CREB5: variants seen among roughly 807,000 people sequenced by gnomAD.
CREB5 encodes the protein cAMP responsive element binding protein 5, also known as cyclic AMP-responsive element-binding protein 5.
In CREB5, 19 loss-of-function variants were observed where a neutral mutation model predicts 57.1. That is an observed-to-expected ratio of 0.33 (90% confidence interval 0.23 to 0.49). The LOEUF is 0.49. Ranked by LOEUF, CREB5 falls within the 20% of genes least tolerant of loss-of-function variation. CREB5 has a pLI of 0.99. For synonymous variants in CREB5, 238 were observed against 238.3 expected (o/e 1.00, Z 0.01); for missense variants, 579 against 671.6 (o/e 0.86, Z 1.52).
intron 1 of CREB5, among the ~76,000 whole-genome samples, chr7:28,463,449 C>T (rs1243669002): frequency 1.3e-5 from 2 of 152,134 alleles, no homozygotes; most frequent in East Asian, 3.8e-4. Context: ...GATCAGTTTG[C>T]CAATTTCTGC....
intron 1 of CREB5, among the ~76,000 whole-genome samples, chr7:28,366,530 A>G (rs1786590569): frequency 6.6e-6 from 1 of 152,216 alleles, no homozygotes; most frequent in Non-Finnish European, 1.5e-5. Context: ...AATACTGTTT[A>G]TATACATAAG....
chr7:28,689,076 T>C (rs1801103983), intron 5 of CREB5, among the ~76,000 whole-genome samples: 2 of 152,208 alleles, frequency 1.3e-5, no homozygotes, highest in Admixed American at 6.5e-5. Flanking sequence ...TTAATTCCAC[T>C]GTTTGACGAC....
chr7:28,661,017 C>T (rs547633203), intron 5 of CREB5, among the ~76,000 whole-genome samples: 11 of 151,054 alleles, frequency 7.3e-5, no homozygotes, highest in South Asian at 2.1e-4. Context: ...ACTCATTCAC[C>T]GAGCACTTTT....
At chr7:28,325,451 T>A (rs1423629287) in intron 1 of CREB5, among the ~76,000 whole-genome samples, 4 of 115,652 alleles carry the variant, frequency 3.5e-5, no homozygotes, top group African/African-American at 1.4e-4. Flanking sequence ...CAAGACTCCA[T>A]CTCAAAAAAA....
At chr7:28,723,196 C>A (rs1685915421) in intron 6 of CREB5, among the ~76,000 whole-genome samples, 1 of 150,030 alleles carries the variant, frequency 6.7e-6, no homozygotes, top group African/African-American at 2.5e-5. Context: ...CTATTCTTGT[C>A]CCCCTGAGGA....
chr7:28,642,862 G>A (rs541618777), intron 5 of CREB5, among the ~76,000 whole-genome samples: 6 of 151,854 alleles, frequency 4.0e-5, no homozygotes, highest in Non-Finnish European at 5.9e-5. Context: ...TTTTCAAGAC[G>A]GATGAACACA....
intron 7 of CREB5, among the ~76,000 whole-genome samples, chr7:28,791,774 A>G (rs951853658): frequency 6.6e-6 from 1 of 152,238 alleles, no homozygotes; most frequent in African/African-American, 2.4e-5. Context: ...GCCATTTTCA[A>G]TTAATAAATC....
chr7:28,578,577 G>A (rs764913187), intron 5 of CREB5, among the ~76,000 whole-genome samples: 3 of 152,186 alleles, frequency 2.0e-5, no homozygotes, highest in African/African-American at 7.2e-5. Flanking sequence ...GGGCATTTCA[G>A]ATATTTGGAG....
chr7:28,736,112 A>G (rs1414339382), intron 7 of CREB5, among the ~76,000 whole-genome samples: 4 of 151,958 alleles, frequency 2.6e-5, no homozygotes, highest in Non-Finnish European at 5.9e-5. Flanking sequence ...TGTGCTTGCT[A>G]TGTGGTAAGG....
intron 4 of CREB5, among the ~76,000 whole-genome samples, chr7:28,522,108 A>G (rs2128616548): frequency 6.6e-6 from 1 of 152,244 alleles, no homozygotes; most frequent in East Asian, 1.9e-4. Context: ...TTTTGCCCCC[A>G]TTTTACACAA....
chr7:28,659,334 G>C (rs1799497731), intron 5 of CREB5, among the ~76,000 whole-genome samples: 1 of 152,026 alleles, frequency 6.6e-6, no homozygotes, highest in Admixed American at 6.6e-5. Context: ...TGCAAGAGAA[G>C]GGCAAACTGA....
intron 5 of CREB5, among the ~76,000 whole-genome samples, chr7:28,716,850 G>A (rs1379949274): frequency 6.6e-6 from 1 of 152,128 alleles, no homozygotes; most frequent in Admixed American, 6.6e-5. Context: ...ATCTGTAAAA[G>A]CCAAAGGACC....
chr7:28,383,166 A>G (rs957635962), intron 1 of CREB5, among the ~76,000 whole-genome samples: 15 of 152,066 alleles, frequency 9.9e-5, no homozygotes, highest in Non-Finnish European at 1.6e-4. Context: ...GCTGCAAGGG[A>G]TTGGTGGATT....
chr7:28,409,961 A>G, upstream of CREB5: 1 of 454,468 alleles, frequency 2.2e-6, no homozygotes, highest in South Asian at 1.6e-5. This position sits in a 1 kb window ranked among gnomAD's most constrained non-coding sequence, Gnocchi z 4.4. Context: ...GCGAGCCAGG[A>G]ACCTCCCCCC....
At chr7:28,344,407 T>C (rs543019874) in intron 1 of CREB5, among the ~76,000 whole-genome samples, 13 of 152,342 alleles carry the variant, frequency 8.5e-5, no homozygotes, top group African/African-American at 3.1e-4. Flanking sequence ...GAAAAGATTG[T>C]CCTTTCCCCA....
chr7:28,400,729 A>G (rs1419238383), intron 1 of CREB5, among the ~76,000 whole-genome samples: 1 of 152,218 alleles, frequency 6.6e-6, no homozygotes, highest in Non-Finnish European at 1.5e-5. Context: ...AATTAGGTTT[A>G]AAAGCTACTG....
At chr7:28,818,242 T>C (rs907255994) in intron 10 of CREB5, 63 bp downstream of exon 10, 1 of 1,129,464 alleles carries the variant, frequency 8.9e-7, no homozygotes, top group African/African-American at 1.5e-5. Flanking sequence ...AAGTTTGCAC[T>C]GAATTTGATT....
intron 1 of CREB5, among the ~76,000 whole-genome samples, chr7:28,451,641 G>C (rs1335201773): frequency 6.6e-6 from 1 of 152,114 alleles, no homozygotes; most frequent in African/African-American, 2.4e-5. Context: ...GTGTGTGCAT[G>C]TGCAAATACA....
intron 1 of CREB5, among the ~76,000 whole-genome samples, chr7:28,485,435 T>C (rs1791508387): frequency 6.6e-6 from 1 of 152,012 alleles, no homozygotes; most frequent in Non-Finnish European, 1.5e-5. Flanking sequence ...AATAAAATAG[T>C]ACTTTATATT....
Sources: gnomAD v4.1 joint callset for allele counts (sites outside exome capture counted in the v4.1 genomes callset) on GRCh38, gnomAD v4.1.1 for gene constraint, Gnocchi (gnomAD v3.1) non-coding constraint, MANE v1.5 for transcripts, NCBI Gene and HGNC (gene_info 2026-07-23, HGNC 2026-07-21) for gene names.